Variants in MCTP1 observed in about 807,000 individuals in gnomAD.
MCTP1 encodes the protein multiple C2 and transmembrane domain containing 1, also known as multiple C2 and transmembrane domain-containing protein 1.
MCTP1 carries 69 observed loss-of-function variants against 120.6 expected under a neutral mutation model. That is an observed-to-expected ratio of 0.57 (90% CI 0.47 to 0.70). The LOEUF is 0.70. MCTP1 is among the 30% of genes least tolerant of loss of function. MCTP1 has a pLI of 0.00. For synonymous variants in MCTP1, 529 were observed against 493.1 expected, an observed-to-expected ratio of 1.07 and a Z score of -0.96; for missense variants, 1,203 against 1,248.8, an observed-to-expected ratio of 0.96 and a Z score of 0.55.
intron 2 of MCTP1, among the ~76,000 whole-genome samples, chr5:94,999,808 G>T (rs1160303518): frequency 3.3e-5 from 5 of 152,070 alleles, no homozygotes; most frequent in Admixed American, 2.6e-4. Flanking sequence ...ACTTACATTT[G>T]GTAAAGTATC....
Position 94,943,784 on chromosome 5 carries a change from G to GAA in MCTP1, c.982-1359_982-1358dup, listed in dbSNP as rs147576702. On this transcript the variant is annotated intron_variant, in intron 3 of 22. Transcript: ENST00000515393. Reference sequence around the variant, plus strand: ...AAGATCAGGGAAACCGTTTACGATGGAAAAAAAAAACGCTACCAGATGAAA... The same window carrying GAA: ...AAGATCAGGGAAACCGTTTACGATGGAAAAAAAAAAAACGCTACCAGATGAAA... Among the ~76,000 whole-genome samples, 6 of 146,908 alleles carry GAA rather than the reference G, an allele frequency of 4.1e-5. No individual in the cohort carries two copies. In the East Asian group the frequency reaches 5.9e-4, roughly 15 times the overall value.
chr5:94,871,252 CTTTT>C, intron 14 of MCTP1, 59 bp downstream of exon 14: 19 of 867,236 alleles, frequency 2.2e-5, no homozygotes, highest in African/African-American at 3.6e-5. Flanking sequence ...GTTTTCTTTT[CTTTT>C]TTTTTTTTTC....
chr5:94,990,870 T>G (rs1489506435), intron 2 of MCTP1, among the ~76,000 whole-genome samples: 1 of 136,740 alleles, frequency 7.3e-6, no homozygotes. Flanking sequence ...TCACAGAAAT[T>G]CTGAGGCCCT....
chr5:95,014,870 A>G (rs895975362), intron 2 of MCTP1, among the ~76,000 whole-genome samples: 3 of 152,094 alleles, frequency 2.0e-5, no homozygotes, highest in African/African-American at 7.2e-5. Flanking sequence ...TCAATGTGGC[A>G]AACTTCATTG....
chr5:94,920,490 C>T (rs564397491), intron 7 of MCTP1, among the ~76,000 whole-genome samples: 3 of 152,020 alleles, frequency 2.0e-5, no homozygotes, highest in Non-Finnish European at 2.9e-5. Flanking sequence ...CGCCTGTAAT[C>T]CCAGCACTTT....
At chr5:94,864,109 G>A (rs1449679193) in intron 17 of MCTP1, among the ~76,000 whole-genome samples, 1 of 151,828 alleles carries the variant, frequency 6.6e-6, no homozygotes, top group African/African-American at 2.4e-5. Context: ...TGACACAAAA[G>A]GAACACATGA....
At chr5:95,093,710 A>G (rs1756017525) in intron 1 of MCTP1, among the ~76,000 whole-genome samples, 1 of 152,220 alleles carries the variant, frequency 6.6e-6, no homozygotes, top group South Asian at 2.1e-4. Context: ...CTTTTGTTCC[A>G]CATGCTGTTC....
At chr5:94,907,403 C>G (rs1037956074) in intron 10 of MCTP1, among the ~76,000 whole-genome samples, 5 of 152,180 alleles carry the variant, frequency 3.3e-5, no homozygotes, top group Non-Finnish European at 7.4e-5. Flanking sequence ...GCTGTCTTGT[C>G]TATACCTGTG....
chr5:94,876,079 A>C (rs1798813301), intron 12 of MCTP1, among the ~76,000 whole-genome samples: 1 of 152,156 alleles, frequency 6.6e-6, no homozygotes, highest in African/African-American at 2.4e-5. Flanking sequence ...ACTTACCACT[A>C]AAAAGCATGG....
At chr5:95,155,981 G>T (rs1358716510) in intron 1 of MCTP1, among the ~76,000 whole-genome samples, 6 of 152,186 alleles carry the variant, frequency 3.9e-5, no homozygotes, top group African/African-American at 1.4e-4. Flanking sequence ...TGGCCACATG[G>T]CTAGGACCTG....
chr5:94,971,916 G>T (rs1012171886), intron 2 of MCTP1, among the ~76,000 whole-genome samples: 1 of 152,026 alleles, frequency 6.6e-6, no homozygotes, highest in African/African-American at 2.4e-5. Context: ...ATTTCCATTT[G>T]CAACAAACCT....
chr5:94,939,943 C>A, intron 5 of MCTP1, 141 bp downstream of exon 5: 1 of 474,984 alleles, frequency 2.1e-6, no homozygotes, highest in Non-Finnish European at 3.8e-6. Context: ...CATGAATGAG[C>A]AATACCTAGG....
chr5:95,234,693 A>G (rs1454107723), intron 1 of MCTP1, among the ~76,000 whole-genome samples: 3 of 152,270 alleles, frequency 2.0e-5, no homozygotes, highest in Non-Finnish European at 4.4e-5. Context: ...TAAAAGGAGA[A>G]TAATGGAATA....
intron 1 of MCTP1, among the ~76,000 whole-genome samples, chr5:95,138,050 T>C (rs1759578297): frequency 6.6e-6 from 1 of 152,204 alleles, no homozygotes; most frequent in African/African-American, 2.4e-5. Context: ...TTCAGATTAC[T>C]TCAAATTTTT....
chr5:94,911,163 T>A (rs776512448), intron 9 of MCTP1, among the ~76,000 whole-genome samples: 16 of 152,330 alleles, frequency 1.1e-4, no homozygotes, highest in South Asian at 2.1e-4. Context: ...AGCAGGCTGT[T>A]TATCAAAAAT....
intron 11 of MCTP1, among the ~76,000 whole-genome samples, chr5:94,890,916 T>C (rs1387986797): frequency 6.6e-6 from 1 of 152,202 alleles, no homozygotes. Flanking sequence ...TTATAAAATG[T>C]TTCATAACCA....
intron 1 of MCTP1, among the ~76,000 whole-genome samples, chr5:95,202,399 G>T (rs1423155178): frequency 2.0e-5 from 3 of 152,128 alleles, no homozygotes; most frequent in African/African-American, 2.4e-5. Flanking sequence ...TGGCTCCCTG[G>T]TTCTCCAGTT....
intron 19 of MCTP1, among the ~76,000 whole-genome samples, chr5:94,737,626 G>A (rs538286323): frequency 6.6e-6 from 1 of 152,062 alleles, no homozygotes; most frequent in Non-Finnish European, 1.5e-5. Flanking sequence ...TCAATAACCA[G>A]TTACATAAGT....
chr5:94,770,654 A>T (rs1773847810), intron 19 of MCTP1, among the ~76,000 whole-genome samples: 1 of 152,232 alleles, frequency 6.6e-6, no homozygotes, highest in Non-Finnish European at 1.5e-5. Flanking sequence ...AAGTGGAACA[A>T]GGTGTAACAA....
Sources: allele counts gnomAD v4.1 joint callset (sites outside exome capture counted in the v4.1 genomes callset), GRCh38; gene constraint gnomAD v4.1.1; transcripts MANE v1.5; gene names NCBI Gene and HGNC (gene_info 2026-07-23, HGNC 2026-07-21).